WRNIP1: variants seen among roughly 807,000 people sequenced by gnomAD.
WRNIP1 encodes ATPase WRNIP1.
WRNIP1 carries 41 observed loss-of-function variants against 56.1 expected under a neutral mutation model. The observed-to-expected ratio is 0.73, with a 90% confidence interval of 0.57 to 0.95. The LOEUF (loss-of-function observed/expected upper bound fraction) is 0.95. WRNIP1 is among the 40% of genes least tolerant of loss of function. The pLI is 0.00. For missense variants in WRNIP1, 1,170 were observed against 939.4 expected (o/e 1.25, Z -3.21); for synonymous variants, 547 against 398.1 (o/e 1.37, Z -4.45).
At chr6:2,782,565 C>T (rs556192989) in intron 4 of WRNIP1, among the ~76,000 whole-genome samples, 83 of 152,326 alleles carry the variant, frequency 5.4e-4, no homozygotes, top group Non-Finnish European at 8.8e-4. Flanking sequence ...GTGAGACTCA[C>T]GGGAACACCA....
At chr6:2,776,906 T>G (rs1765445725) in intron 3 of WRNIP1, among the ~76,000 whole-genome samples, 1 of 152,246 alleles carries the variant, frequency 6.6e-6, no homozygotes, top group Non-Finnish European at 1.5e-5. Context: ...TTGTCTATTT[T>G]TAAAATTTAA....
chr6:2,776,263 C>T (rs1765428472), intron 3 of WRNIP1, among the ~76,000 whole-genome samples: 1 of 152,210 alleles, frequency 6.6e-6, no homozygotes, highest in African/African-American at 2.4e-5. Flanking sequence ...TAAGTGGAAC[C>T]TTTCCCTGCT....
chr6:2,765,779 G>C lies in WRNIP1; in HGVS notation c.157G>C (p.Gly53Arg), dbSNP rs866945952. 6 of 1,443,120 alleles carry C rather than the reference G, an allele frequency of 4.2e-6. No individual in the cohort carries two copies. Among genetic ancestry groups the C allele is most frequent in the Non-Finnish European group, 5.5e-6 (6 of 1,099,556 alleles). 89.4% of individuals were successfully genotyped at this position (1,443,120 alleles called of 1,614,324 possible). A position where few individuals can be genotyped will look rare whatever the true frequency, so the allele number is the denominator to read the frequency against. The change falls in exon 1 of 7, where the codon GGG becomes CGG. Residue 53 changes from glycine (G) to arginine (R), a missense_variant. By Grantham distance (125) the Gly-to-Arg change is moderately radical. Transcript: ENST00000380773. Reference protein sequence around the residue: ...HPAGHAEPAAGSHRAGERAKG... With the variant: ...HPAGHAEPAARSHRAGERAKG... ...GGCGGGGCACGCGGAGCCCGCGGCCGGGTCGCACCGCGCCGGGGAGCGGGC... is the reference window on the plus strand; with the variant it reads ...GGCGGGGCACGCGGAGCCCGCGGCCCGGTCGCACCGCGCCGGGGAGCGGGC...
intron 3 of WRNIP1, chr6:2,772,857 T>G (rs1052865412): frequency 6.1e-5 from 40 of 661,120 alleles, no homozygotes; most frequent in Non-Finnish European, 7.1e-5. Context: ...TACATCCTTG[T>G]GCATATAAAT....
At chr6:2,783,926 T>C (rs1029185003) in intron 5 of WRNIP1, among the ~76,000 whole-genome samples, 7 of 152,238 alleles carry the variant, frequency 4.6e-5, no homozygotes, top group Non-Finnish European at 8.8e-5. Context: ...GCTCCCAAGG[T>C]AGAAATGGAA....
chr6:2,777,329 T>G (rs1294298433), intron 3 of WRNIP1, among the ~76,000 whole-genome samples: 1 of 152,008 alleles, frequency 6.6e-6, no homozygotes, highest in Non-Finnish European at 1.5e-5. Flanking sequence ...CTCCGCATAG[T>G]AGGGATGATG....
At position 2,785,358 on chromosome 6, in the gene WRNIP1, T is replaced by C. The variant is rs1265777011; in HGVS notation, c.*76T>C. Reference sequence around the variant, plus strand: ...GAAAGAAAGTTAGTGGATTGCAAAGTTGGTTGCCTGGTGGAAGTTAGAACA... The same window carrying C: ...GAAAGAAAGTTAGTGGATTGCAAAGCTGGTTGCCTGGTGGAAGTTAGAACA... On this transcript the variant is annotated 3_prime_UTR_variant, in exon 7 of 7. Transcript: ENST00000380773. The C allele has an allele frequency of 6.5e-6, 10 of 1,545,034 alleles. No homozygotes were observed. Among genetic ancestry groups the C allele is most frequent in the Non-Finnish European group, 8.7e-6 (10 of 1,144,452 alleles).
At chr6:2,767,784 G>A (rs1235709687) in intron 1 of WRNIP1, among the ~76,000 whole-genome samples, 1 of 152,206 alleles carries the variant, frequency 6.6e-6, no homozygotes. Flanking sequence ...TGCCAGGCAA[G>A]AGGTTTGGGT....
chr6:2,785,445 A>G lies in WRNIP1; in HGVS notation c.*163A>G, dbSNP rs1765687344. The G allele has an allele frequency of 1.4e-6, 1 of 728,700 alleles. No homozygotes were observed. The highest frequency in any genetic ancestry group is 1.8e-5 in the African/African-American group (1 of 56,354). 45.1% of individuals were successfully genotyped at this position (728,700 alleles called of 1,614,324 possible). On this transcript the variant is annotated 3_prime_UTR_variant, in exon 7 of 7. Coordinates refer to ENST00000380773, the MANE Select transcript of WRNIP1 (RefSeq NM_020135.3). ...AGGTGGAGGCGCAGTTCTTTCGAATAAATGTGTAACTTTGAAATTGTGTTC... is the reference window on the plus strand; with the variant it reads ...AGGTGGAGGCGCAGTTCTTTCGAATGAATGTGTAACTTTGAAATTGTGTTC...
intron 4 of WRNIP1, among the ~76,000 whole-genome samples, chr6:2,782,836 C>T (rs532999392): frequency 3.4e-4 from 52 of 152,314 alleles, no homozygotes; most frequent in Non-Finnish European, 6.2e-4. Flanking sequence ...GGTTAGTCCA[C>T]GTGTCGGTCC....
intron 4 of WRNIP1, among the ~76,000 whole-genome samples, chr6:2,780,957 T>C (rs1765542788): frequency 6.6e-6 from 1 of 152,198 alleles, no homozygotes. Context: ...CAAAATTGCT[T>C]TATGGAGATA....
chr6:2,766,592 G>T, intron 1 of WRNIP1, 148 bp downstream of exon 1: 1 of 1,360,954 alleles, frequency 7.3e-7, no homozygotes, highest in Non-Finnish European at 9.5e-7. Flanking sequence ...CTGGGGCAGT[G>T]CCTGGTCCAC....
chr6:2,765,829 C>G lies in WRNIP1; in HGVS notation c.207C>G (p.Ala69=). The change falls in exon 1 of 7, where the codon GCC becomes GCG. Residue 69 remains alanine, a synonymous_variant. Coordinates refer to ENST00000380773, the MANE Select transcript of WRNIP1 (RefSeq NM_020135.3). ...ERAKGPSPPG[A]KRRRLSESSA... is the part of the protein sequence containing the mutation. Reference sequence around the variant, plus strand: ...CCAAGGGGCCCTCGCCGCCCGGCGCCAAGAGGCGGCGGCTGTCGGAGAGCT... The same window carrying G: ...CCAAGGGGCCCTCGCCGCCCGGCGCGAAGAGGCGGCGGCTGTCGGAGAGCT... The G allele has an allele frequency of 7.3e-7, 1 of 1,366,760 alleles. No individual in the cohort carries two copies. Among genetic ancestry groups the G allele is most frequent in the Non-Finnish European group, 9.4e-7 (1 of 1,063,784 alleles). 84.7% of individuals were successfully genotyped at this position (1,366,760 alleles called of 1,614,324 possible).
At chr6:2,769,917 C>T (rs1765202342) in intron 2 of WRNIP1, among the ~76,000 whole-genome samples, 2 of 152,144 alleles carry the variant, frequency 1.3e-5, no homozygotes, top group Non-Finnish European at 2.9e-5. Context: ...ACGGGCATTC[C>T]AGAAGATGTG....
chr6:2,780,352 G>T (rs1561915596), intron 4 of WRNIP1, among the ~76,000 whole-genome samples: 1 of 152,220 alleles, frequency 6.6e-6, no homozygotes, highest in South Asian at 2.1e-4. Context: ...GAGAAGGGGT[G>T]GAGGGGCTTA....
chr6:2,774,013 C>A (rs1765375448), intron 3 of WRNIP1: 9 of 985,322 alleles, frequency 9.1e-6, no homozygotes, highest in African/African-American at 5.2e-5. Flanking sequence ...GCTATGGATT[C>A]TTCTTTTTAT....
intron 3 of WRNIP1, chr6:2,773,701 A>G (rs1765364518): frequency 1.0e-6 from 1 of 985,132 alleles, no homozygotes; most frequent in South Asian, 4.7e-5. Flanking sequence ...GTCATCCTGC[A>G]CTACTTGCTG....
chr6:2,774,154 A>G (rs1765378004), intron 3 of WRNIP1: 3 of 985,204 alleles, frequency 3.0e-6, no homozygotes, highest in Non-Finnish European at 3.6e-6. Context: ...TTTATTTAAA[A>G]ATTTTTTAAG....
At chr6:2,781,489 C>T (rs910825853) in intron 4 of WRNIP1, among the ~76,000 whole-genome samples, 2 of 152,162 alleles carry the variant, frequency 1.3e-5, no homozygotes, top group African/African-American at 4.8e-5. Context: ...GCCCTGGAAA[C>T]CTGTTAGCTT....
Sources: allele counts gnomAD v4.1 joint callset (sites outside exome capture counted in the v4.1 genomes callset), GRCh38; gene constraint gnomAD v4.1.1; transcripts MANE v1.5; gene names NCBI Gene and HGNC (gene_info 2026-07-23, HGNC 2026-07-21).